The following USP16 variants were observed in gnomAD, a reference collection of about 807,000 sequenced individuals.
The protein encoded by USP16 is ubiquitin specific peptidase 16.
In USP16, 77 loss-of-function variants were observed where a neutral mutation model predicts 95.9. The ratio of observed to expected loss-of-function variants is 0.80; its 90% CI spans 0.67 to 0.97. USP16 has a LOEUF of 0.97. Ranked by LOEUF, USP16 falls within the 50% of genes least tolerant of loss-of-function variation. USP16 has a pLI of 0.00. For synonymous variants in USP16, 303 were observed against 318.2 expected (o/e 0.95, Z 0.51); for missense variants, 943 against 959.9 (o/e 0.98, Z 0.23).
rs1221953870 is a variant in USP16, at chr21:29,043,571, C to A, written c.1328C>A (p.Ala443Glu). ...SGTSKHLQKKAKKQAKKQAKN... is the reference protein window; with the variant it reads ...SGTSKHLQKKEKKQAKKQAKN... Reference sequence around the variant, plus strand: ...ACAAGTAAGCACTTACAGAAAAAAGCAAAGAAACAAGCCAAAAAGCAAGCC... The same window carrying A: ...ACAAGTAAGCACTTACAGAAAAAAGAAAAGAAACAAGCCAAAAAGCAAGCC... Residue 443 changes from alanine (A) to glutamate (E), a missense_variant, in exon 13 of 18, where the codon GCA becomes GAA. By Grantham distance (107) the Ala-to-Glu change is moderately radical. Transcript: ENST00000399976. 2 of 1,554,060 alleles carry A rather than the reference C, an allele frequency of 1.3e-6. No individual in the cohort carries two copies. The highest frequency in any genetic ancestry group is 2.3e-5 in the East Asian group (1 of 42,578).
In USP16 at chr21:29,035,081, G is replaced by T. The variant is rs2085134036; in HGVS notation, c.344+141G>T. The stretch of plus-strand genomic sequence containing the variant: ...ATACCATCACTTTCACAAAGCTAAA[G>T]AATGCAGTATTATGAGAAGCTTTTA... On this transcript the variant is annotated intron_variant, in intron 4 of 17. Transcript: ENST00000399976. 6.8e-6 allele frequency: 5 copies of T among 737,832 alleles called. No individual in the cohort carries two copies. In the South Asian group the frequency reaches 1.0e-4, roughly 15 times the overall value. 45.7% of individuals were successfully genotyped at this position (737,832 alleles called of 1,614,324 possible).
At chr21:29,050,806 T>G (rs1311307219) in intron 16 of USP16, among the ~76,000 whole-genome samples, 2 of 152,162 alleles carry the variant, frequency 1.3e-5, no homozygotes, top group East Asian at 1.9e-4. Context: ...GAACTTGGAC[T>G]TCATTAGGTA....
intron 3 of USP16, among the ~76,000 whole-genome samples, chr21:29,034,348 G>T (rs938935262): frequency 1.4e-5 from 2 of 143,730 alleles, no homozygotes; most frequent in Non-Finnish European, 3.0e-5. Flanking sequence ...TGCTCTTGTT[G>T]CCCAGGCTAG....
chr21:29,045,829 A>G (rs191825184), intron 13 of USP16, among the ~76,000 whole-genome samples: 11 of 151,916 alleles, frequency 7.2e-5, no homozygotes, highest in Admixed American at 3.3e-4. Context: ...TTTTTTGGGA[A>G]CAGAGTCACT....
chr21:29,026,180 C>T (rs2084983738), intron 1 of USP16, among the ~76,000 whole-genome samples: 1 of 152,146 alleles, frequency 6.6e-6, no homozygotes, highest in Non-Finnish European at 1.5e-5. Context: ...AGGACTTGGC[C>T]AGGTGCTGTG....
In USP16 at chr21:29,043,542, TGGA is replaced by T; in HGVS notation, c.1300_1302del (p.Gly434del). ...TAAAAGAGAGAAGTGATATTCCTTC[TGGA>T]ACAAGTAAGCACTTACAGAAAAAAG... On this transcript the variant is annotated inframe_deletion, in exon 13 of 18. Coordinates refer to ENST00000399976, the MANE Select transcript of USP16 (RefSeq NM_006447.3). 1 of 1,599,140 alleles carries T rather than the reference TGGA, an allele frequency of 6.3e-7. No individual in the cohort carries two copies. Among genetic ancestry groups the T allele is most frequent in the Non-Finnish European group, 8.5e-7 (1 of 1,174,476 alleles).
Position 29,030,577 on chromosome 21 carries a change from TATTA to T in USP16, c.62-17_62-14del. On this transcript the variant is annotated splice_polypyrimidine_tract_variant and intron_variant, in intron 2 of 17. Transcript: ENST00000399976. ...TTTTTGACCTTATATATTCCTTGTC[TATTA>T]TTTGTTTTAATAGAACCTGTGTGCA... 1 of 1,547,226 alleles carries T rather than the reference TATTA, an allele frequency of 6.5e-7. No homozygotes were observed. The highest frequency in any genetic ancestry group is 1.2e-5 in the South Asian group (1 of 80,202).
chr21:29,045,477 A>C (rs1468627576), intron 13 of USP16, among the ~76,000 whole-genome samples: 1 of 152,126 alleles, frequency 6.6e-6, no homozygotes, highest in Non-Finnish European at 1.5e-5. Flanking sequence ...TGCTAACTTC[A>C]GGCCATTTTT....
intron 13 of USP16, 88 bp from the exon 14 acceptor site, chr21:29,046,579 T>TG (rs1410132266): frequency 2.9e-6 from 4 of 1,357,448 alleles, no homozygotes; most frequent in Non-Finnish European, 4.0e-6. Flanking sequence ...CATGTGTGTG[T>TG]TTTGTCCTTC....
intron 2 of USP16, among the ~76,000 whole-genome samples, chr21:29,028,715 G>A (rs1330000600): frequency 3.9e-5 from 6 of 152,194 alleles, no homozygotes; most frequent in Admixed American, 1.3e-4. Flanking sequence ...GATTACAGGC[G>A]TGAGCCACCG....
chr21:29,050,030 G>T, intron 15 of USP16, 62 bp from the exon 16 acceptor site: 5 of 1,492,386 alleles, frequency 3.4e-6, no homozygotes, highest in Non-Finnish European at 4.6e-6. Flanking sequence ...GGGGACTTCG[G>T]TTTACTTAAC....
intron 3 of USP16, 109 bp from the exon 4 acceptor site, chr21:29,034,720 CAAGATTGT>C: frequency 1.1e-6 from 1 of 935,686 alleles, no homozygotes; most frequent in Non-Finnish European, 1.6e-6. Flanking sequence ...ATTTTCTTTT[CAAGATTGT>C]AAGAATGGCA....
At position 29,054,115 on chromosome 21, in the gene USP16, T is replaced by A; in HGVS notation, c.2400T>A (p.His800Gln). ...AGTGGTTTCACATCAGCGACACACA[T>A]GTGCAAGCTGTGCCTACAACTAAAG... The part of the protein sequence containing the change: ...KGQWFHISDT[H>Q]VQAVPTTKVL... The change falls in exon 18 of 18, where the codon CAT (histidine) becomes CAA (glutamine). Residue 800 changes from histidine (H) to glutamine (Q), a missense_variant. Physicochemically the swap from His to Gln is conservative, Grantham distance 24. Transcript: ENST00000399976. 3.1e-6 allele frequency: 5 copies of A among 1,614,230 alleles called. No homozygotes were observed. The highest frequency in any genetic ancestry group is 4.2e-6 in the Non-Finnish European group (5 of 1,180,022).
At chr21:29,028,725 G>A (rs756386366) in intron 2 of USP16, among the ~76,000 whole-genome samples, 6 of 152,070 alleles carry the variant, frequency 3.9e-5, no homozygotes, top group Non-Finnish European at 7.4e-5. Flanking sequence ...GTGAGCCACC[G>A]CGCCCGACCT....
chr21:29,045,517 AC>A (rs1409810276), intron 13 of USP16, among the ~76,000 whole-genome samples: 1 of 150,824 alleles, frequency 6.6e-6, no homozygotes, highest in Non-Finnish European at 1.5e-5. Context: ...CATTCCTCTG[AC>A]CAAAGCAGTC....
At chr21:29,044,042 C>T (rs1035986836) in intron 13 of USP16, among the ~76,000 whole-genome samples, 2 of 151,956 alleles carry the variant, frequency 1.3e-5, no homozygotes, top group Non-Finnish European at 2.9e-5. Context: ...AAGCAATTCT[C>T]GTGCCTCAGC....
intron 3 of USP16, among the ~76,000 whole-genome samples, chr21:29,032,072 C>G (rs1274645901): frequency 1.3e-5 from 2 of 152,146 alleles, no homozygotes; most frequent in African/African-American, 4.8e-5. Flanking sequence ...ACAGGGATCT[C>G]TTGTGTTGCC....
At chr21:29,043,173 T>C (rs2085269624) in intron 12 of USP16, 1 of 255,506 alleles carries the variant, frequency 3.9e-6, no homozygotes, top group African/African-American at 2.2e-5. Context: ...TAAATTTCGT[T>C]ATATTTCTAT....
intron 12 of USP16, 88 bp downstream of exon 12, chr21:29,042,616 G>T (rs2085261891): frequency 1.7e-6 from 2 of 1,179,786 alleles, no homozygotes; most frequent in East Asian, 5.0e-5. Context: ...TTTTAAGTTT[G>T]TATATTACTA....
Sources: gnomAD v4.1 joint callset for allele counts (sites outside exome capture counted in the v4.1 genomes callset) on GRCh38, gnomAD v4.1.1 for gene constraint, MANE v1.5 for transcripts, NCBI Gene and HGNC (gene_info 2026-07-23, HGNC 2026-07-21) for gene names.